Variants in SYNRG observed in about 807,000 individuals in gnomAD.
SYNRG encodes synergin gamma.
In SYNRG, 37 loss-of-function variants were observed where a neutral mutation model predicts 130.9. The observed-to-expected ratio is 0.28, with a 90% CI of 0.22 to 0.37. The LOEUF is 0.37. Among genes scored for constraint, SYNRG ranks in the 10% least tolerant of loss-of-function variants. SYNRG has a pLI of 1.00. For missense variants in SYNRG, 1,338 were observed against 1,588.9 expected (o/e 0.84, Z 2.68); for synonymous variants, 539 against 568.1 (o/e 0.95, Z 0.73).
intron 19 of SYNRG, among the ~76,000 whole-genome samples, chr17:37,521,849 C>T (rs1035002401): frequency 6.6e-6 from 1 of 151,978 alleles, no homozygotes; most frequent in Admixed American, 6.6e-5. Flanking sequence ...TTGGGGGACC[C>T]GGGCAGCTGA....
chr17:37,588,769 A>C (rs1025396007), intron 3 of SYNRG, among the ~76,000 whole-genome samples: 7 of 151,322 alleles, frequency 4.6e-5, no homozygotes, highest in African/African-American at 1.5e-4. Context: ...CATTTCACCC[A>C]AAGTATATAA....
At chr17:37,560,487 C>T (rs750790767) in intron 13 of SYNRG, among the ~76,000 whole-genome samples, 7 of 151,602 alleles carry the variant, frequency 4.6e-5, no homozygotes, top group East Asian at 1.9e-4. Context: ...CAGGCATGTG[C>T]TACCATGCCT....
intron 14 of SYNRG, among the ~76,000 whole-genome samples, chr17:37,546,611 T>C (rs1338797201): frequency 1.3e-5 from 2 of 152,228 alleles, no homozygotes. Flanking sequence ...CGGTATTTTT[T>C]GGAACAAAGA....
Position 37,539,981 on chromosome 17 carries a change from T to C in SYNRG, c.3366+399A>G, listed in dbSNP as rs565183140. On this transcript the variant is annotated intron_variant, in intron 16 of 21. Transcript: ENST00000612223. ...GTAGGGAAAGGTGGGAAATTAAGTG[T>C]GTTGACCATAGGAGGAACATAGCGT... Among the ~76,000 whole-genome samples the C allele has an allele frequency of 3.3e-5, 5 of 152,276 alleles. No individual in the cohort carries two copies. The East Asian group carries it at 7.7e-4, about 24-fold the overall frequency.
chr17:37,608,359 A>G (rs1244299613), intron 1 of SYNRG, among the ~76,000 whole-genome samples: 1 of 152,236 alleles, frequency 6.6e-6, no homozygotes, highest in East Asian at 1.9e-4. Context: ...ATGCAAAGCT[A>G]CTTTTACCTC....
At chr17:37,591,758 G>C (rs2062213937) in intron 3 of SYNRG, among the ~76,000 whole-genome samples, 1 of 152,116 alleles carries the variant, frequency 6.6e-6, no homozygotes. Context: ...TAGGTAAAAA[G>C]AGAGAGATAA....
In SYNRG at chr17:37,561,483, C is replaced by A. The variant is rs1255609904; in HGVS notation, c.1588G>T (p.Val530Phe). 1.2e-6 allele frequency: 2 copies of A among 1,613,098 alleles called. No individual in the cohort carries two copies. Among genetic ancestry groups the A allele is most frequent in the East Asian group, 2.2e-5 (1 of 44,836 alleles). Residue 530 changes from valine to phenylalanine, a missense_variant, in exon 12 of 22, where the codon GTT (valine) becomes TTT (phenylalanine). This residue lies in a region of SYNRG where 1,146 missense variants were observed against 1,342.3 expected (regional missense o/e 0.85). Transcript: ENST00000612223. ...ACCAACTTTTTACCTCCAGGTGGAA[C>A]AGTATTTTCAGAGGACTTGTCAGCT... ...IAADKSSENT[V>F]PPGDPGDKYS...
chr17:37,591,773 C>T (rs1413191243), intron 3 of SYNRG, among the ~76,000 whole-genome samples: 1 of 152,146 alleles, frequency 6.6e-6, no homozygotes, highest in Non-Finnish European at 1.5e-5. Flanking sequence ...AGATAAAAAA[C>T]AACCTCAATC....
intron 8 of SYNRG, among the ~76,000 whole-genome samples, chr17:37,575,625 G>A (rs1005620971): frequency 6.6e-6 from 1 of 151,574 alleles, no homozygotes; most frequent in Non-Finnish European, 1.5e-5. Context: ...CAGATCACTT[G>A]AGCCCAGGAG....
intron 7 of SYNRG, among the ~76,000 whole-genome samples, chr17:37,576,757 A>T (rs1349470098): frequency 1.3e-5 from 2 of 152,342 alleles, no homozygotes; most frequent in Middle Eastern, 3.4e-3. Flanking sequence ...GTATCTAAAA[A>T]TATTTAATTG....
chr17:37,544,917 G>C (rs1026207803), intron 14 of SYNRG, among the ~76,000 whole-genome samples: 1 of 152,048 alleles, frequency 6.6e-6, no homozygotes, highest in African/African-American at 2.4e-5. Context: ...CCTATTAAAA[G>C]GTTAGCAGGC....
At chr17:37,589,536 G>A (rs2061969437) in intron 3 of SYNRG, among the ~76,000 whole-genome samples, 1 of 150,400 alleles carries the variant, frequency 6.6e-6, no homozygotes, top group Non-Finnish European at 1.5e-5. Context: ...GGATCACCAG[G>A]TCAGGAGATC....
intron 2 of SYNRG, among the ~76,000 whole-genome samples, chr17:37,596,895 T>C (rs982535768): frequency 6.6e-6 from 1 of 152,088 alleles, no homozygotes; most frequent in Non-Finnish European, 1.5e-5. Context: ...TACAGGTGCC[T>C]GCCACCACGC....
At chr17:37,580,901 C>A (rs2061277271) in intron 6 of SYNRG, among the ~76,000 whole-genome samples, 1 of 151,992 alleles carries the variant, frequency 6.6e-6, no homozygotes, top group Non-Finnish European at 1.5e-5. Flanking sequence ...AACTCCTAAC[C>A]TCAGGTGATC....
chr17:37,575,325 AG>A (rs893990035), intron 8 of SYNRG, among the ~76,000 whole-genome samples: 6 of 152,320 alleles, frequency 3.9e-5, no homozygotes, highest in South Asian at 2.1e-4. Flanking sequence ...CATAACACAA[AG>A]AAGTAATACA....
chr17:37,557,392 C>A (rs148716597), intron 13 of SYNRG, among the ~76,000 whole-genome samples: 3 of 152,148 alleles, frequency 2.0e-5, no homozygotes, highest in Admixed American at 1.3e-4. Context: ...AAGATACTAA[C>A]GTACTTTGAC....
chr17:37,563,001 A>T (rs2059656167), intron 11 of SYNRG, among the ~76,000 whole-genome samples: 1 of 151,698 alleles, frequency 6.6e-6, no homozygotes, highest in South Asian at 2.1e-4. Context: ...GGAAAAAAAA[A>T]CAACAACAGA....
chr17:37,608,730 C>G (rs1429438408), intron 1 of SYNRG, among the ~76,000 whole-genome samples: 1 of 152,148 alleles, frequency 6.6e-6, no homozygotes, highest in Non-Finnish European at 1.5e-5. Context: ...ATTACTAATT[C>G]AGAGGTCTTT....
rs778570333 is a variant in SYNRG, at chr17:37,585,345, A to G, written c.457T>C (p.Leu153=). 1.9e-6 allele frequency: 3 copies of G among 1,614,014 alleles called. No individual in the cohort carries two copies. The highest frequency in any genetic ancestry group is 2.5e-6 in the Non-Finnish European group (3 of 1,179,976). ...ACTACCTTGGGTTTCACACTGCTCA[A>G]AAGTCTGAGCTTTTGCTTCTGCTCT... is the stretch of plus-strand genomic sequence containing the variant. The part of the protein sequence containing the change: ...FEEQKQKLRL[L]SSVKPKTGEK... Residue 153 remains leucine (L), a synonymous_variant, in exon 5 of 22, where the codon TTG becomes CTG. Coordinates refer to ENST00000612223, the MANE Select transcript of SYNRG (RefSeq NM_007247.6).
Sources: gnomAD v4.1 joint callset for allele counts (sites outside exome capture counted in the v4.1 genomes callset) on GRCh38, gnomAD v4.1.1 for gene constraint, gnomAD v4.1.1 regional missense constraint, MANE v1.5 for transcripts, NCBI Gene and HGNC (gene_info 2026-07-23, HGNC 2026-07-21) for gene names.